Variants in COBLL1 observed in about 807,000 individuals in gnomAD.
COBLL1 encodes the protein cordon-bleu protein-like 1.
Under a neutral mutation model 94.8 loss-of-function variants are expected in COBLL1, and 50 were observed. The observed-to-expected ratio is 0.53, with a 90% CI of 0.42 to 0.67. The LOEUF is 0.67. Ranked by LOEUF, COBLL1 falls within the 30% of genes least tolerant of loss-of-function variation. The pLI is 0.00. For synonymous variants in COBLL1, 448 were observed against 473.8 expected, an observed-to-expected ratio of 0.95 and a Z score of 0.71; for missense variants, 1,362 against 1,348.7, an observed-to-expected ratio of 1.01 and a Z score of -0.15.
At chr2:164,699,373 G>C in intron 11 of COBLL1, 32 bp downstream of exon 11, 5 of 1,348,794 alleles carry the variant, frequency 3.7e-6, no homozygotes, top group Non-Finnish European at 5.3e-6. Flanking sequence ...ATAAAAGTAA[G>C]AAAGTGTTGG....
chr2:164,743,612 A>G, intron 3 of COBLL1, 75 bp downstream of exon 3: 1 of 1,168,962 alleles, frequency 8.6e-7, no homozygotes, highest in South Asian at 1.2e-5. Flanking sequence ...AACAAACATC[A>G]AGACGTATAT....
intron 3 of COBLL1, among the ~76,000 whole-genome samples, chr2:164,741,172 A>G (rs866990190): frequency 6.6e-6 from 1 of 152,092 alleles, no homozygotes; most frequent in Non-Finnish European, 1.5e-5. Context: ...GCTACTTGGG[A>G]CACTGGGGCA....
chr2:164,841,659 C>A lies in COBLL1; in HGVS notation c.-51+51G>T. Reference sequence around the variant, plus strand: ...CAAAACGCCCTAGGAAAACTTTTCCCGAAGAGAAGTTGGGAGGGCTGATCT... The same window carrying A: ...CAAAACGCCCTAGGAAAACTTTTCCAGAAGAGAAGTTGGGAGGGCTGATCT... On this transcript the variant is annotated intron_variant, in intron 1 of 13. Transcript: ENST00000652658. The surrounding 1 kb of genome is among the most constrained non-coding windows in gnomAD (Gnocchi z 5.5). The A allele has an allele frequency of 5.5e-6, 2 of 360,944 alleles. No homozygotes were observed. The highest frequency in any genetic ancestry group is 9.8e-6 in the Non-Finnish European group (2 of 204,708). The allele number at this position is 360,944 out of a possible 1,614,324, so 22.4% of individuals were successfully genotyped here.
At chr2:164,798,969 A>G (rs1221261879) in intron 2 of COBLL1, among the ~76,000 whole-genome samples, 1 of 138,288 alleles carries the variant, frequency 7.2e-6, no homozygotes, top group Admixed American at 7.9e-5. Context: ...GCAGTGAGCC[A>G]AGATCGCGCC....
At chr2:164,725,621 G>T (rs1685689075) in intron 5 of COBLL1, among the ~76,000 whole-genome samples, 1 of 151,976 alleles carries the variant, frequency 6.6e-6, no homozygotes, top group East Asian at 1.9e-4. Context: ...ATTTTGCCAT[G>T]TTTCCCAGGC....
At chr2:164,801,385 G>A (rs1187981668) in intron 2 of COBLL1, among the ~76,000 whole-genome samples, 1 of 136,056 alleles carries the variant, frequency 7.3e-6, no homozygotes, top group African/African-American at 2.8e-5. Context: ...CTTGCAGTGA[G>A]CCGAGATCGC....
At chr2:164,764,178 C>G (rs144707234) in intron 2 of COBLL1, among the ~76,000 whole-genome samples, 4 of 152,182 alleles carry the variant, frequency 2.6e-5, no homozygotes, top group South Asian at 2.1e-4. Context: ...GATTACCAGG[C>G]GTGAGCCACC....
At position 164,725,080 on chromosome 2, in the gene COBLL1, A is replaced by C. The variant is rs537799224; in HGVS notation, c.662-2558T>G. The C allele has an allele frequency of 5.3e-4, 78 of 145,892 alleles. 1 individual carries two copies. The highest frequency in any genetic ancestry group is 1.8e-3 in the African/African-American group (73 of 40,088). The allele number at this position is 145,892 out of a possible 1,614,324, so 9.0% of individuals were successfully genotyped here. A position where few individuals can be genotyped will look rare whatever the true frequency, so the allele number is the denominator to read the frequency against. On this transcript the variant is annotated intron_variant, in intron 5 of 13. Transcript: ENST00000652658. ...TCTGAGCCCTTTTTCTCATTGGAAG[A>C]TGCTAGCATTTACCCTGCAGGATAT...
Position 164,695,007 on chromosome 2 carries a change from G to T in COBLL1, c.2385C>A (p.Asn795Lys), listed in dbSNP as rs751397836. 20 of 1,613,774 alleles carry T rather than the reference G, an allele frequency of 1.2e-5. No homozygotes were observed. The highest frequency in any genetic ancestry group is 1.7e-5 in the Non-Finnish European group (20 of 1,179,946). ...ISESPEEPLPNLKPKPNLRTE... is the reference protein window; with the variant it reads ...ISESPEEPLPKLKPKPNLRTE... The stretch of plus-strand genomic sequence containing the variant: ...TTCTCAGGTTAGGCTTCGGTTTAAG[G>T]TTTGGCAGTGGCTCTTCTGGGCTTT... The change falls in exon 12 of 14, where the codon AAC (asparagine) becomes AAA (lysine). Residue 795 changes from asparagine to lysine, a missense_variant. Asn to Lys is a moderately conservative substitution (Grantham distance 94, BLOSUM62 0). Transcript: ENST00000652658.
chr2:164,805,327 C>CTATATATATA (rs1282917607), intron 2 of COBLL1, among the ~76,000 whole-genome samples: 14 of 26,474 alleles, frequency 5.3e-4, no homozygotes, highest in South Asian at 2.5e-3. Context: ...CTCTCTCTCT[C>CTATATATATA]TCTCTCTCTC....
At chr2:164,678,519 C>G (rs1256849708), downstream of COBLL1, among the ~76,000 whole-genome samples, 1 of 151,986 alleles carries the variant, frequency 6.6e-6, no homozygotes, top group Non-Finnish European at 1.5e-5. Context: ...CAATGAATGC[C>G]CCTGTCTGAC....
intron 3 of COBLL1, among the ~76,000 whole-genome samples, chr2:164,741,801 T>A (rs904000136): frequency 2.0e-5 from 3 of 152,040 alleles, no homozygotes; most frequent in Admixed American, 6.6e-5. Context: ...TGATGCAGAA[T>A]CTATCAGGTA....
At chr2:164,729,851 C>T in intron 4 of COBLL1, 63 bp downstream of exon 4, 1 of 1,391,768 alleles carries the variant, frequency 7.2e-7, no homozygotes, top group Non-Finnish European at 1.0e-6. Flanking sequence ...ATTTTTATTT[C>T]ACTTACAATG....
intron 2 of COBLL1, among the ~76,000 whole-genome samples, chr2:164,762,015 T>C (rs953137231): frequency 1.3e-5 from 2 of 152,240 alleles, no homozygotes; most frequent in South Asian, 4.1e-4. Flanking sequence ...TCATCATTTC[T>C]GAAAGGCTGC....
At chr2:164,726,692 CACAA>C (rs1244356678) in intron 5 of COBLL1, among the ~76,000 whole-genome samples, 4 of 152,000 alleles carry the variant, frequency 2.6e-5, no homozygotes, top group African/African-American at 9.7e-5. Flanking sequence ...ACAAAATATT[CACAA>C]ACAATGACTG....
chr2:164,700,359 A>G (rs978532568), intron 10 of COBLL1, among the ~76,000 whole-genome samples, 163 bp downstream of exon 10: 3 of 152,178 alleles, frequency 2.0e-5, no homozygotes, highest in African/African-American at 7.2e-5. Flanking sequence ...ATTACATGCA[A>G]ATAAGTACTT....
In COBLL1 at chr2:164,681,858, A is replaced by G. The variant is rs1683057603; in HGVS notation, c.*4088T>C. On this transcript the variant is annotated 3_prime_UTR_variant, in exon 14 of 14. Coordinates refer to ENST00000652658, the MANE Select transcript of COBLL1 (RefSeq NM_001365672.2). The stretch of plus-strand genomic sequence containing the variant: ...AATGTTCCACAACTCTTCTCAAAAT[A>G]CCTGTCAAAAAAGTTCTGAGCACAT... 6.6e-6 allele frequency: 1 copy of G among 152,204 alleles called. No homozygotes were observed. The highest frequency in any genetic ancestry group is 1.5e-5 in the Non-Finnish European group (1 of 68,034). 9.4% of individuals were successfully genotyped at this position (152,204 alleles called of 1,614,324 possible).
At chr2:164,754,434 G>T (rs1008597425) in intron 2 of COBLL1, among the ~76,000 whole-genome samples, 5 of 152,128 alleles carry the variant, frequency 3.3e-5, no homozygotes, top group African/African-American at 1.2e-4. Context: ...GTACCCTCCT[G>T]CTCTGAGAGA....
chr2:164,749,197 T>G (rs1015248525), intron 2 of COBLL1, among the ~76,000 whole-genome samples: 4 of 152,172 alleles, frequency 2.6e-5, no homozygotes, highest in Admixed American at 2.0e-4. Context: ...ACTTACATCC[T>G]TAATAAGCTA....
Sources: gnomAD v4.1 joint callset for allele counts (sites outside exome capture counted in the v4.1 genomes callset) on GRCh38, gnomAD v4.1.1 for gene constraint, Gnocchi (gnomAD v3.1) non-coding constraint, MANE v1.5 for transcripts, NCBI Gene and HGNC (gene_info 2026-07-23, HGNC 2026-07-21) for gene names.